ARPC1B: variants seen among roughly 807,000 people sequenced by gnomAD.
ARPC1B encodes actin related protein 2/3 complex subunit 1B, also known as actin-related protein 2/3 complex subunit 1B.
In ARPC1B, 29 loss-of-function variants were observed where a neutral mutation model predicts 46.0. The ratio of observed to expected loss-of-function variants is 0.63; its 90% CI spans 0.47 to 0.86. The LOEUF (loss-of-function observed/expected upper bound fraction) is 0.86. Among genes scored for constraint, ARPC1B ranks in the 40% least tolerant of loss-of-function variants. The pLI is 0.00. For synonymous variants in ARPC1B, 201 were observed against 213.9 expected, an observed-to-expected ratio of 0.94 and a Z score of 0.53; for missense variants, 469 against 529.4, an observed-to-expected ratio of 0.89 and a Z score of 1.12.
chr7:99,389,971 C>T lies in ARPC1B; in HGVS notation c.459C>T (p.Asn153=). The change falls in exon 5 of 10, where the codon AAC becomes AAT. Residue 153 remains asparagine (N), a synonymous_variant. Coordinates refer to ENST00000646101, the MANE Select transcript of ARPC1B (RefSeq NM_005720.4). ...TCCTCAGCCTGGACTGGCACCCCAA[C>T]AATGTGCTGCTGGCTGCCGGCTCCT... is the stretch of plus-strand genomic sequence containing the variant. The part of the protein sequence containing the change: ...STVLSLDWHP[N]NVLLAAGSCD... 1.2e-6 allele frequency: 2 copies of T among 1,614,212 alleles called. No homozygotes were observed. Among genetic ancestry groups the T allele is most frequent in the Middle Eastern group, 1.6e-4 (1 of 6,062 alleles).
At chr7:99,382,516 C>G (rs1257330684) in intron 1 of ARPC1B, among the ~76,000 whole-genome samples, 3 of 151,820 alleles carry the variant, frequency 2.0e-5, no homozygotes, top group Non-Finnish European at 4.4e-5. Flanking sequence ...GGGTCTGGCT[C>G]TGTCACACAG....
chr7:99,385,809 T>C, intron 2 of ARPC1B, 31 bp downstream of exon 2: 1 of 1,591,264 alleles, frequency 6.3e-7, no homozygotes, highest in Non-Finnish European at 8.5e-7. Context: ...GGTGGGTGGC[T>C]GCTTCCACCT....
chr7:99,389,646 A>G (rs1794504867), intron 4 of ARPC1B: 2 of 436,456 alleles, frequency 4.6e-6, no homozygotes, highest in African/African-American at 2.0e-5. Flanking sequence ...TGATGGCATC[A>G]CTTTGCTGAG....
At position 99,391,711 on chromosome 7, in the gene ARPC1B, C is replaced by T. The variant is rs1352375432; in HGVS notation, c.783+458C>T. ...CGAGGCTTCTGAACTGAGCTATGGT[C>T]GTACCTCTGCACTTCAGCCTCGGCG... On this transcript the variant is annotated intron_variant, in intron 7 of 9. Transcript: ENST00000646101. 2.0e-5 allele frequency among the ~76,000 whole-genome samples: 3 copies of T among 146,878 alleles called. 1 individual carries two copies. In the South Asian group the frequency reaches 6.4e-4, roughly 31 times the overall value.
chr7:99,377,068 A>G (rs1208808166), intron 1 of ARPC1B, among the ~76,000 whole-genome samples: 1 of 151,848 alleles, frequency 6.6e-6, no homozygotes, highest in Non-Finnish European at 1.5e-5. Flanking sequence ...CTATAGTGCC[A>G]TGGCTTGATC....
At chr7:99,378,344 A>T (rs1794092486) in intron 1 of ARPC1B, among the ~76,000 whole-genome samples, 1 of 149,344 alleles carries the variant, frequency 6.7e-6, no homozygotes, top group South Asian at 2.3e-4. Context: ...AAATGGTGGG[A>T]TTACAGGCGT....
At position 99,394,401 on chromosome 7, in the gene ARPC1B, G is replaced by T. The variant is rs373946638; in HGVS notation, c.1081-50G>T. On this transcript the variant is annotated intron_variant, in intron 9 of 9. Transcript: ENST00000646101. ...GGGTGATCAGGTCCCTGGGAGTGGGGTGCCTGCAGGACAGCTGAGAACCAG... is the reference window on the plus strand; with the variant it reads ...GGGTGATCAGGTCCCTGGGAGTGGGTTGCCTGCAGGACAGCTGAGAACCAG... 4 of 1,493,464 alleles carry T rather than the reference G, an allele frequency of 2.7e-6. No individual in the cohort carries two copies. In the Admixed American group the frequency reaches 5.0e-5, roughly 19 times the overall value. 92.5% of individuals were successfully genotyped at this position (1,493,464 alleles called of 1,614,324 possible). A position where few individuals can be genotyped will look rare whatever the true frequency, so the allele number is the denominator to read the frequency against.
At chr7:99,382,842 C>CTTTTT (rs756346040) in intron 1 of ARPC1B, among the ~76,000 whole-genome samples, 4 of 119,244 alleles carry the variant, frequency 3.4e-5, no homozygotes, top group Non-Finnish European at 5.0e-5. Context: ...CATTCCTAAC[C>CTTTTT]TTTTTTTTTT....
intron 1 of ARPC1B, among the ~76,000 whole-genome samples, chr7:99,384,627 C>A (rs578128528): frequency 6.6e-6 from 1 of 152,186 alleles, no homozygotes; most frequent in Admixed American, 6.5e-5. Flanking sequence ...ACCCAGGCCT[C>A]GCCTAGCCCT....
At position 99,385,848 on chromosome 7, in the gene ARPC1B, A is replaced by C. The variant is rs1003452646; in HGVS notation, c.64+70A>C. 3.4e-6 allele frequency: 5 copies of C among 1,489,324 alleles called. No individual in the cohort carries two copies. In the African/African-American group the frequency reaches 5.5e-5, roughly 16 times the overall value. 92.3% of individuals were successfully genotyped at this position (1,489,324 alleles called of 1,614,324 possible). ...GGGATGGGGACCAGCCAGAGCACAC[A>C]TGGGGACTCTGGAGCAGCCAGGCCC... On this transcript the variant is annotated intron_variant, in intron 2 of 9. Transcript: ENST00000646101.
At chr7:99,390,347 C>G (rs1442310927) in intron 5 of ARPC1B, among the ~76,000 whole-genome samples, 1 of 151,838 alleles carries the variant, frequency 6.6e-6, no homozygotes, top group African/African-American at 2.4e-5. Flanking sequence ...CCAAGCAAGA[C>G]TACCACGCCC....
chr7:99,394,404 C>A, intron 9 of ARPC1B, 47 bp from the exon 10 acceptor site: 1 of 1,512,842 alleles, frequency 6.6e-7, no homozygotes, highest in Non-Finnish European at 9.2e-7. Flanking sequence ...GAGTGGGGTG[C>A]CTGCAGGACA....
At chr7:99,380,987 G>A (rs1360263034) in intron 1 of ARPC1B, among the ~76,000 whole-genome samples, 1 of 151,892 alleles carries the variant, frequency 6.6e-6, no homozygotes, top group Non-Finnish European at 1.5e-5. Flanking sequence ...GGGTGTAGAT[G>A]AGCACCGTGA....
intron 7 of ARPC1B, among the ~76,000 whole-genome samples, chr7:99,391,537 G>A (rs1584411139): frequency 6.6e-6 from 1 of 152,102 alleles, no homozygotes; most frequent in East Asian, 1.9e-4. Flanking sequence ...TGGAGGCCAC[G>A]AGTTTGAGAC....
In ARPC1B at chr7:99,374,731, G is replaced by A. The variant is rs1200137175; in HGVS notation, c.-64G>A. 6.6e-6 allele frequency: 1 copy of A among 152,074 alleles called. No homozygotes were observed. The highest frequency in any genetic ancestry group is 6.5e-5 in the Admixed American group (1 of 15,272). 9.4% of individuals were successfully genotyped at this position (152,074 alleles called of 1,614,324 possible). A position where few individuals can be genotyped will look rare whatever the true frequency, so the allele number is the denominator to read the frequency against. Reference sequence around the variant, plus strand: ...GGCTGCTGCTCCGGCGCGGAGCCCAGAGCCGGTTCGGCGCGTCGACTGCCC... The same window carrying A: ...GGCTGCTGCTCCGGCGCGGAGCCCAAAGCCGGTTCGGCGCGTCGACTGCCC... On this transcript the variant is annotated 5_prime_UTR_variant, in exon 1 of 10. Coordinates refer to ENST00000646101, the MANE Select transcript of ARPC1B (RefSeq NM_005720.4). This position sits in a 1 kb window ranked among gnomAD's most constrained non-coding sequence, Gnocchi z 5.0.
chr7:99,388,367 C>G (rs1794463042), intron 4 of ARPC1B, 106 bp downstream of exon 4: 1 of 1,108,432 alleles, frequency 9.0e-7, no homozygotes, highest in African/African-American at 1.6e-5. Context: ...TTCCCATCAC[C>G]CTGGGGGAGT....
intron 7 of ARPC1B, 63 bp downstream of exon 7, chr7:99,391,316 A>G (rs1794565404): frequency 1.3e-6 from 2 of 1,488,678 alleles, no homozygotes; most frequent in African/African-American, 1.4e-5. Context: ...GAGCCCAGCA[A>G]CTCTCATCTC....
rs1351566238 is a variant in ARPC1B, at chr7:99,385,068, C to A, written c.-13-634C>A. Among the ~76,000 whole-genome samples, 5 of 150,442 alleles carry A rather than the reference C, an allele frequency of 3.3e-5. No homozygotes were observed. In the Admixed American group the frequency reaches 3.3e-4, roughly 10 times the overall value. On this transcript the variant is annotated intron_variant, in intron 1 of 9. Transcript: ENST00000646101. ...GCAAGCCCCGCCTCCCAAGTTCACG[C>A]CATTCTCCTGCCTCAGGCTGGGACT...
intron 1 of ARPC1B, among the ~76,000 whole-genome samples, chr7:99,380,638 T>G (rs1225357384): frequency 6.6e-6 from 1 of 152,194 alleles, no homozygotes; most frequent in East Asian, 1.9e-4. Flanking sequence ...TCGGTTGCCC[T>G]TGCCCACTGG....
Sources: allele counts gnomAD v4.1 joint callset (sites outside exome capture counted in the v4.1 genomes callset), GRCh38; gene constraint gnomAD v4.1.1; non-coding constraint Gnocchi (gnomAD v3.1); transcripts MANE v1.5; gene names NCBI Gene and HGNC (gene_info 2026-07-23, HGNC 2026-07-21).